The following RCAN2 variants were observed in gnomAD, a reference collection of about 807,000 sequenced individuals.
RCAN2 encodes regulator of calcineurin 2.
A neutral mutation model predicts 23.6 loss-of-function variants in RCAN2; 9 were observed. The ratio of observed to expected loss-of-function variants is 0.38; its 90% CI spans 0.23 to 0.67. RCAN2 has a LOEUF of 0.67. Among genes scored for constraint, RCAN2 ranks in the 30% least tolerant of loss-of-function variants. The pLI, the probability that RCAN2 is intolerant of heterozygous loss-of-function variation, is 0.51. For missense variants in RCAN2, 273 were observed against 302.3 expected, an observed-to-expected ratio of 0.90 and a Z score of 0.72; for synonymous variants, 109 against 115.7, an observed-to-expected ratio of 0.94 and a Z score of 0.37.
At chr6:46,487,061 G>C (rs1354175787) in intron 1 of RCAN2, among the ~76,000 whole-genome samples, 1 of 152,168 alleles carries the variant, frequency 6.6e-6, no homozygotes. Context: ...AATTCTTCAG[G>C]AAGACAAAGC....
intron 2 of RCAN2, among the ~76,000 whole-genome samples, chr6:46,365,537 A>G (rs1220888607): frequency 2.0e-5 from 3 of 152,112 alleles, no homozygotes; most frequent in Non-Finnish European, 4.4e-5. Context: ...AAAAAGAGAA[A>G]TTGTCTTCCA....
chr6:46,433,021 A>G (rs190075725), intron 2 of RCAN2, among the ~76,000 whole-genome samples: 97 of 152,330 alleles, frequency 6.4e-4, no homozygotes, highest in African/African-American at 2.3e-3. Context: ...CTCACCAATT[A>G]AAAACTTATG....
At chr6:46,488,007 T>A (rs180835705) in intron 1 of RCAN2, among the ~76,000 whole-genome samples, 3 of 152,230 alleles carry the variant, frequency 2.0e-5, no homozygotes, top group Admixed American at 6.5e-5. Context: ...AAGCCTGAGA[T>A]GGGATGTGAC....
intron 2 of RCAN2, among the ~76,000 whole-genome samples, chr6:46,315,042 T>G (rs569410740): frequency 2.6e-5 from 4 of 152,316 alleles, no homozygotes; most frequent in African/African-American, 9.6e-5. Context: ...GCCTGGGCGA[T>G]AGAGCCAGAT....
chr6:46,225,121 T>C (rs1765617396), intron 4 of RCAN2, among the ~76,000 whole-genome samples: 1 of 152,232 alleles, frequency 6.6e-6, no homozygotes, highest in African/African-American at 2.4e-5. Flanking sequence ...CTCATCCTTT[T>C]TTATGGCTGC....
intron 2 of RCAN2, among the ~76,000 whole-genome samples, chr6:46,376,676 AGAGT>A (rs1214081176): frequency 6.6e-6 from 1 of 151,174 alleles, no homozygotes; most frequent in African/African-American, 2.5e-5. Flanking sequence ...GTGACAGGAC[AGAGT>A]GAGACTCCAC....
At chr6:46,421,264 T>G (rs1766883962) in intron 2 of RCAN2, among the ~76,000 whole-genome samples, 1 of 151,936 alleles carries the variant, frequency 6.6e-6, no homozygotes, top group South Asian at 2.1e-4. Context: ...TCAGCTGGAG[T>G]CCACTGTAAT....
chr6:46,293,054 C>T (rs925441161), intron 2 of RCAN2, among the ~76,000 whole-genome samples: 2 of 152,188 alleles, frequency 1.3e-5, no homozygotes, highest in African/African-American at 4.8e-5. Context: ...GTTATGAACT[C>T]ATCCTTTTTT....
chr6:46,336,953 C>CCAAA (rs1764163652), intron 2 of RCAN2, among the ~76,000 whole-genome samples: 2 of 130,340 alleles, frequency 1.5e-5, no homozygotes, highest in South Asian at 5.0e-4. Context: ...TTGGAAGTAC[C>CCAAA]AAAAAAAAAA....
intron 2 of RCAN2, among the ~76,000 whole-genome samples, chr6:46,353,377 C>A (rs146496634): frequency 2.6e-5 from 4 of 152,094 alleles, no homozygotes; most frequent in Non-Finnish European, 5.9e-5. Flanking sequence ...TTTGAAAGAA[C>A]TTGAGATACC....
At chr6:46,286,901 A>T (rs1248087555) in intron 2 of RCAN2, among the ~76,000 whole-genome samples, 1 of 152,088 alleles carries the variant, frequency 6.6e-6, no homozygotes, top group African/African-American at 2.4e-5. Context: ...GCTACTCGGG[A>T]GGCTGAGGCA....
intron 2 of RCAN2, among the ~76,000 whole-genome samples, chr6:46,447,209 A>G (rs1055113695): frequency 6.6e-6 from 1 of 152,084 alleles, no homozygotes; most frequent in Non-Finnish European, 1.5e-5. Flanking sequence ...AATAGAATTT[A>G]TATTAAAAAA....
At chr6:46,260,723 G>A (rs980034093) in intron 2 of RCAN2, among the ~76,000 whole-genome samples, 4 of 152,170 alleles carry the variant, frequency 2.6e-5, no homozygotes, top group Non-Finnish European at 4.4e-5. Flanking sequence ...GGTACCATTT[G>A]TGGATGGCTG....
At chr6:46,415,319 T>A (rs1197819550) in intron 2 of RCAN2, among the ~76,000 whole-genome samples, 2 of 152,146 alleles carry the variant, frequency 1.3e-5, no homozygotes. Flanking sequence ...ATGGACAGTC[T>A]GAATCAAACA....
chr6:46,406,116 C>G (rs1349437944), intron 2 of RCAN2, among the ~76,000 whole-genome samples: 2 of 152,198 alleles, frequency 1.3e-5, no homozygotes, highest in African/African-American at 4.8e-5. Flanking sequence ...GCAAGCGCTG[C>G]GCGCAGCCCC....
At chr6:46,481,333 T>C (rs191592639) in intron 1 of RCAN2, among the ~76,000 whole-genome samples, 3 of 152,342 alleles carry the variant, frequency 2.0e-5, no homozygotes, top group East Asian at 3.9e-4. Context: ...AGGTTATCTA[T>C]GGATGTGCCA....
intron 2 of RCAN2, chr6:46,438,481 G>T (rs1040868361): frequency 6.6e-6 from 1 of 152,252 alleles, no homozygotes; most frequent in Non-Finnish European, 1.5e-5. Context: ...ACATCATGGA[G>T]CTCAAGGTCT....
intron 2 of RCAN2, among the ~76,000 whole-genome samples, chr6:46,350,140 A>T (rs1032294217): frequency 1.3e-5 from 2 of 152,212 alleles, no homozygotes; most frequent in African/African-American, 4.8e-5. Context: ...AGGAACAATG[A>T]TGGTTACTGT....
intron 2 of RCAN2, among the ~76,000 whole-genome samples, chr6:46,448,133 C>A (rs971203315): frequency 1.3e-5 from 2 of 151,462 alleles, no homozygotes; most frequent in Non-Finnish European, 3.0e-5. Flanking sequence ...CAAATAAAAT[C>A]AGAAATGAAA....
Sources: allele counts gnomAD v4.1 joint callset (sites outside exome capture counted in the v4.1 genomes callset), GRCh38; gene constraint gnomAD v4.1.1; transcripts MANE v1.5; gene names NCBI Gene and HGNC (gene_info 2026-07-23, HGNC 2026-07-21).